The following DSC1 variants were observed in gnomAD, a reference collection of about 807,000 sequenced individuals.
DSC1 encodes desmocollin 1.
A neutral mutation model predicts 98.8 loss-of-function variants in DSC1; 79 were observed. The observed-to-expected ratio is 0.80, with a 90% CI of 0.67 to 0.96. DSC1 has a LOEUF of 0.96. Ranked by LOEUF, DSC1 falls within the 50% of genes least tolerant of loss-of-function variation. DSC1 has a pLI of 0.00. For synonymous variants in DSC1, 405 were observed against 372.1 expected, an observed-to-expected ratio of 1.09 and a Z score of -1.02; for missense variants, 1,115 against 1,075.9, an observed-to-expected ratio of 1.04 and a Z score of -0.51.
At chr18:31,134,470 A>G in intron 12 of DSC1, 102 bp downstream of exon 12, 7 of 1,067,530 alleles carry the variant, frequency 6.6e-6, no homozygotes, top group Non-Finnish European at 9.2e-6. Flanking sequence ...TAATAAAATA[A>G]TTTCCTAAAA....
rs1388600775 is a variant in DSC1 at position 31,132,177 on chromosome 18, T to G, written c.2239-335A>C. ...AAAAGGGGAAATTTGGACACAGACA[T>G]GCACACATGGAGAATCGCCATATGA... On this transcript the variant is annotated intron_variant, in intron 14 of 15. Coordinates refer to ENST00000257198, the MANE Select transcript of DSC1 (RefSeq NM_024421.2). 6 of 381,482 alleles carry G rather than the reference T, an allele frequency of 1.6e-5. No individual in the cohort carries two copies. The South Asian group carries it at 1.6e-4, about 10-fold the overall frequency. 23.6% of individuals were successfully genotyped at this position (381,482 alleles called of 1,614,324 possible).
In DSC1 at chr18:31,140,434, A is replaced by G. The variant is rs16961347; in HGVS notation, c.1261-133T>C. On this transcript the variant is annotated intron_variant, in intron 9 of 15. Transcript: ENST00000257198. ...CTAAAGTTAGGTCTAATACAGTTAA[A>G]GACCAACAATTAGCTTCCTAAAGTG... is the stretch of plus-strand genomic sequence containing the variant. 5,778 of 923,322 alleles carry G rather than the reference A, an allele frequency of 6.3e-3. 234 individuals carry two copies. In the African/African-American group the frequency reaches 0.089, roughly 14 times the overall value. 57.2% of individuals were successfully genotyped at this position (923,322 alleles called of 1,614,324 possible).
rs566458105 is a variant in DSC1, at chr18:31,156,694, C to G, written c.352-532G>C. On this transcript the variant is annotated intron_variant, in intron 3 of 15. Coordinates refer to ENST00000257198, the MANE Select transcript of DSC1 (RefSeq NM_024421.2). Reference sequence around the variant, plus strand: ...TCAAAAAGAATTTAGTTGGGAAATCCTCTCCTAAATAGAATCATTTATTAA... The same window carrying G: ...TCAAAAAGAATTTAGTTGGGAAATCGTCTCCTAAATAGAATCATTTATTAA... Among the ~76,000 whole-genome samples the G allele has an allele frequency of 3.9e-5, 6 of 152,256 alleles. No homozygotes were observed. The East Asian group carries it at 1.2e-3, about 29-fold the overall frequency.
Position 31,134,057 on chromosome 18 carries a change from G to A in DSC1, c.1950C>T (p.Asp650=). ...TATGTGTTGCAACTAAACCATGCCTGTCTTTTATTTGAATAGGCACAGAAT... is the reference window on the plus strand; with the variant it reads ...TATGTGTTGCAACTAAACCATGCCTATCTTTTATTTGAATAGGCACAGAAT... ...NYYSVPIQIK[D]RHGLVATHML... Residue 650 remains aspartate (D), a synonymous_variant, in exon 13 of 16, where the codon GAC becomes GAT. Coordinates refer to ENST00000257198, the MANE Select transcript of DSC1 (RefSeq NM_024421.2). 2 of 1,612,002 alleles carry A rather than the reference G, an allele frequency of 1.2e-6. No individual in the cohort carries two copies. The highest frequency in any genetic ancestry group is 1.1e-5 in the South Asian group (1 of 91,060).
At chr18:31,130,909 C>A in intron 15 of DSC1, 198 bp from the exon 16 acceptor site, 1 of 1,412,346 alleles carries the variant, frequency 7.1e-7, no homozygotes, top group Non-Finnish European at 9.6e-7. Flanking sequence ...TAAATAAATG[C>A]TTCTAGTGAG....
intron 15 of DSC1, 58 bp from the exon 16 acceptor site, chr18:31,130,769 A>C: frequency 6.2e-7 from 1 of 1,612,066 alleles, no homozygotes; most frequent in Non-Finnish European, 8.5e-7. Flanking sequence ...ACATATTAGC[A>C]GAAAAATGAT....
intron 2 of DSC1, among the ~76,000 whole-genome samples, chr18:31,159,047 G>GTTTT (rs560889140): frequency 2.8e-5 from 2 of 71,098 alleles, no homozygotes; most frequent in African/African-American, 5.8e-5. Context: ...CTACTATGTG[G>GTTTT]TTTTTTTTTT....
intron 12 of DSC1, among the ~76,000 whole-genome samples, 190 bp from the exon 13 acceptor site, chr18:31,134,320 A>C (rs1988561293): frequency 6.6e-6 from 1 of 152,018 alleles, no homozygotes; most frequent in South Asian, 2.1e-4. Context: ...ATATTAAACT[A>C]ATCTGTACTT....
intron 5 of DSC1, among the ~76,000 whole-genome samples, chr18:31,153,939 T>A (rs913793807): frequency 6.6e-6 from 1 of 152,196 alleles, no homozygotes; most frequent in South Asian, 2.1e-4. Context: ...ACTGCCCAAG[T>A]ATGAGATAAG....
chr18:31,155,018 C>A (rs1221878483), intron 4 of DSC1, 89 bp from the exon 5 acceptor site: 2 of 1,405,998 alleles, frequency 1.4e-6, no homozygotes, highest in East Asian at 2.4e-5. Flanking sequence ...TTTACCACTA[C>A]CCCTCTTTCC....
At position 31,132,705 on chromosome 18, in the gene DSC1, G is replaced by T. The variant is rs544442796; in HGVS notation, c.2117-16C>A. On this transcript the variant is annotated splice_polypyrimidine_tract_variant and intron_variant, in intron 13 of 15. Transcript: ENST00000257198. ...AACAGAATACCTAAAAAGCAAAAAA[G>T]ATCAAAGTAAAACACAGACATTAAA... 1.9e-6 allele frequency: 3 copies of T among 1,604,494 alleles called. No individual in the cohort carries two copies. The highest frequency in any genetic ancestry group is 2.7e-5 in the African/African-American group (2 of 74,638).
rs1988787174 is a variant in DSC1 at position 31,143,803 on chromosome 18, G to GAA, written c.940-14_940-13dup. Reference sequence around the variant, plus strand: ...TAAGTATCACATTTCTGAAAAAAAGGAAAAAACTACATTAATGAACACTTT... The same window carrying GAA: ...TAAGTATCACATTTCTGAAAAAAAGGAAAAAAAACTACATTAATGAACACTTT... On this transcript the variant is annotated splice_polypyrimidine_tract_variant and intron_variant, in intron 7 of 15. Transcript: ENST00000257198. 6.5e-7 allele frequency: 1 copy of GAA among 1,538,012 alleles called. No individual in the cohort carries two copies. Among genetic ancestry groups the GAA allele is most frequent in the African/African-American group, 1.4e-5 (1 of 71,532 alleles).
intron 14 of DSC1, chr18:31,132,130 G>A (rs777591478): frequency 1.6e-5 from 7 of 437,120 alleles, no homozygotes; most frequent in East Asian, 9.3e-5. Context: ...GTCCCTAAGC[G>A]AATATAATCA....
At position 31,130,767 on chromosome 18, in the gene DSC1, G is replaced by A. The variant is rs777463222; in HGVS notation, c.2488-56C>T. 5 of 1,611,622 alleles carry A rather than the reference G, an allele frequency of 3.1e-6. No individual in the cohort carries two copies. The African/African-American group carries it at 5.4e-5, about 17-fold the overall frequency. ...TTTTAAAAAACACCTAAACATATTA[G>A]CAGAAAAATGATGTCTTTGATTTAC... is the stretch of plus-strand genomic sequence containing the variant. On this transcript the variant is annotated intron_variant, in intron 15 of 15. Coordinates refer to ENST00000257198, the MANE Select transcript of DSC1 (RefSeq NM_024421.2).
At chr18:31,154,728 C>A in intron 5 of DSC1, 46 bp downstream of exon 5, 1 of 1,439,910 alleles carries the variant, frequency 6.9e-7, no homozygotes. Context: ...TATTAGTAAG[C>A]CAGTAATAAA....
intron 5 of DSC1, among the ~76,000 whole-genome samples, chr18:31,150,410 A>AC (rs1348998051): frequency 0.047 from 35 of 738 alleles, no homozygotes; most frequent in Admixed American, 0.071. Flanking sequence ...CACCACCACC[A>AC]CATCATCACT....
Position 31,140,201 on chromosome 18 carries a change from C to A in DSC1, c.1361G>T (p.Cys454Phe). ...AATTTTAACGGTGACAGTTGTAGTGCACATTGTAGGAGTTTGTGAGCTCGC... is the reference window on the plus strand; with the variant it reads ...AATTTTAACGGTGACAGTTGTAGTGAACATTGTAGGAGTTTGTGAGCTCGC... ...KAASSQTPTM[C>F]TTTVTVKIID... Residue 454 changes from cysteine (C) to phenylalanine (F), a missense_variant, in exon 10 of 16, where the codon TGC becomes TTC. Physicochemically the swap from Cys to Phe is radical, Grantham distance 205. Transcript: ENST00000257198. 1 of 1,613,988 alleles carries A rather than the reference C, an allele frequency of 6.2e-7. No homozygotes were observed. The highest frequency in any genetic ancestry group is 1.3e-5 in the African/African-American group (1 of 75,016).
intron 1 of DSC1, among the ~76,000 whole-genome samples, chr18:31,160,013 A>C (rs80347513): frequency 0.016 from 2,472 of 152,306 alleles, 72 homozygotes; most frequent in African/African-American, 0.056. Flanking sequence ...TAATGCCCCC[A>C]AAAAATCATT....
At position 31,130,342 on chromosome 18, in the gene DSC1, A is replaced by G; in HGVS notation, c.*172T>C. 1 of 688,806 alleles carries G rather than the reference A, an allele frequency of 1.5e-6. No homozygotes were observed. Among genetic ancestry groups the G allele is most frequent in the Non-Finnish European group, 2.4e-6 (1 of 417,060 alleles). The allele number at this position is 688,806 out of a possible 1,614,324, so 42.7% of individuals were successfully genotyped here. ...AAACCTTGATTTCTAGAGAACATGG[A>G]AGTTATACCAGACAAGGAGAATGTA... is the stretch of plus-strand genomic sequence containing the variant. On this transcript the variant is annotated 3_prime_UTR_variant, in exon 16 of 16. Transcript: ENST00000257198.
Sources: allele counts gnomAD v4.1 joint callset (sites outside exome capture counted in the v4.1 genomes callset), GRCh38; gene constraint gnomAD v4.1.1; transcripts MANE v1.5; gene names NCBI Gene and HGNC (gene_info 2026-07-23, HGNC 2026-07-21).